CPED1: variants seen among roughly 807,000 people sequenced by gnomAD.
The protein encoded by CPED1 is cadherin-like and PC-esterase domain-containing protein 1.
In CPED1, 114 loss-of-function variants were observed where a neutral mutation model predicts 128.2. The ratio of observed to expected loss-of-function variants is 0.89; its 90% CI spans 0.76 to 1.04. The LOEUF is 1.04. CPED1 is among the 50% of genes least tolerant of loss of function. The probability of loss-of-function intolerance (pLI) is 0.00; values close to 1 mark genes in which losing one functional copy is unlikely to be tolerated. For synonymous variants in CPED1, 462 were observed against 426.7 expected (o/e 1.08, Z -1.02); for missense variants, 1,211 against 1,207.1 (o/e 1.00, Z -0.05).
intron 16 of CPED1, among the ~76,000 whole-genome samples, chr7:121,152,926 A>G (rs1796191921): frequency 6.6e-6 from 1 of 152,174 alleles, no homozygotes; most frequent in Non-Finnish European, 1.5e-5. Context: ...TGCCTTAAAC[A>G]TGTATTTTAA....
intron 16 of CPED1, among the ~76,000 whole-genome samples, chr7:121,150,522 C>T (rs1796133758): frequency 6.6e-6 from 1 of 152,032 alleles, no homozygotes; most frequent in Admixed American, 6.6e-5. Flanking sequence ...CATACAAGTG[C>T]ATGTGTCTTT....
chr7:121,261,916 C>T (rs1436259873), intron 18 of CPED1: 1 of 541,404 alleles, frequency 1.8e-6, no homozygotes, highest in East Asian at 3.4e-5. Context: ...TATAATAAGC[C>T]TATTGATATA....
At chr7:121,031,988 A>G (rs887074820) in intron 3 of CPED1, among the ~76,000 whole-genome samples, 4 of 152,098 alleles carry the variant, frequency 2.6e-5, no homozygotes, top group African/African-American at 7.2e-5. Flanking sequence ...TAGTGATATC[A>G]CCTATTGATG....
chr7:121,200,668 G>A (rs1797375710), intron 16 of CPED1, among the ~76,000 whole-genome samples: 1 of 151,976 alleles, frequency 6.6e-6, no homozygotes, highest in African/African-American at 2.4e-5. Context: ...AAAAGAAAGA[G>A]TCTTACTTAC....
chr7:121,123,647 A>C (rs902742418), intron 7 of CPED1, among the ~76,000 whole-genome samples: 11 of 152,200 alleles, frequency 7.2e-5, no homozygotes, highest in Admixed American at 5.9e-4. Context: ...TGATACTAAC[A>C]ATTGTGTTTT....
rs894362780 is a variant in CPED1 at position 121,297,044 on chromosome 7, A to G, written c.*1392A>G. On this transcript the variant is annotated 3_prime_UTR_variant, in exon 23 of 23. Coordinates refer to ENST00000310396, the MANE Select transcript of CPED1 (RefSeq NM_024913.5). ...TGAAGATAAACATGAATTTATATTT[A>G]ACTGTCTTAAATTATATTTACATAA... The G allele has an allele frequency of 1.4e-4, 22 of 152,074 alleles. No homozygotes were observed. Among genetic ancestry groups the G allele is most frequent in the African/African-American group, 5.3e-4 (22 of 41,452 alleles). The allele number at this position is 152,074 out of a possible 1,614,324, so 9.4% of individuals were successfully genotyped here.
At chr7:121,280,205 C>G (rs1792431374) in intron 22 of CPED1, among the ~76,000 whole-genome samples, 1 of 152,136 alleles carries the variant, frequency 6.6e-6, no homozygotes, top group Non-Finnish European at 1.5e-5. Context: ...TTAGCTTATG[C>G]TAAGACTAGT....
At chr7:121,292,510 A>G (rs908164231) in intron 22 of CPED1, among the ~76,000 whole-genome samples, 6 of 151,880 alleles carry the variant, frequency 4.0e-5, no homozygotes, top group Admixed American at 1.3e-4. Flanking sequence ...TCTGAAGCCT[A>G]CTTCTGTCAA....
intron 5 of CPED1, among the ~76,000 whole-genome samples, chr7:121,084,642 A>T (rs535967692): frequency 6.6e-6 from 1 of 152,236 alleles, no homozygotes; most frequent in South Asian, 2.1e-4. Context: ...TTTCTGCAAA[A>T]TTCAGTATGT....
chr7:121,044,650 C>CTTTTTTTTTTTT lies in CPED1; in HGVS notation c.434-2229_434-2218dup, dbSNP rs58884492. 9.6e-4 allele frequency among the ~76,000 whole-genome samples: 102 copies of CTTTTTTTTTTTT among 105,976 alleles called. 1 individual carries two copies. The highest frequency in any genetic ancestry group is 3.1e-3 in the African/African-American group (92 of 29,260). 69.5% of individuals were successfully genotyped at this position (105,976 alleles called of 152,430 possible). A position where few individuals can be genotyped will look rare whatever the true frequency, so the allele number is the denominator to read the frequency against. On this transcript the variant is annotated intron_variant, in intron 3 of 22. Coordinates refer to ENST00000310396, the MANE Select transcript of CPED1 (RefSeq NM_024913.5). The stretch of plus-strand genomic sequence containing the variant: ...TTGCTGAGAGCAGTGACTTTCTGCT[C>CTTTTTTTTTTTT]TTTTTTTTTTTTTTTTTTTGCTATT...
chr7:121,066,394 T>C (rs1793831899), intron 5 of CPED1, among the ~76,000 whole-genome samples: 2 of 152,124 alleles, frequency 1.3e-5, no homozygotes, highest in South Asian at 4.1e-4. Flanking sequence ...GCAGATTGTA[T>C]ATGTGTGTAT....
At chr7:121,170,381 A>C (rs950782595) in intron 16 of CPED1, among the ~76,000 whole-genome samples, 2 of 152,182 alleles carry the variant, frequency 1.3e-5, no homozygotes, top group East Asian at 1.9e-4. Context: ...CCTGGGCCTC[A>C]TTCTGCTTGG....
chr7:121,161,967 C>G (rs10240823), intron 16 of CPED1, among the ~76,000 whole-genome samples: 3,546 of 152,222 alleles, frequency 0.023, 159 homozygotes, highest in African/African-American at 0.081. Context: ...TTGGAGTAAC[C>G]TCACACAGTA....
At chr7:121,078,840 A>G (rs530652423) in intron 5 of CPED1, among the ~76,000 whole-genome samples, 1 of 152,336 alleles carries the variant, frequency 6.6e-6, no homozygotes, top group Non-Finnish European at 1.5e-5. Context: ...CTGCCGTAAC[A>G]AAGTACCACA....
At chr7:121,142,361 C>T (rs927709819) in intron 16 of CPED1, among the ~76,000 whole-genome samples, 4 of 151,874 alleles carry the variant, frequency 2.6e-5, no homozygotes, top group Non-Finnish European at 5.9e-5. Context: ...TCATTGTTTT[C>T]AGTGGACTTA....
At chr7:121,171,799 A>G (rs1796653450) in intron 16 of CPED1, among the ~76,000 whole-genome samples, 1 of 152,202 alleles carries the variant, frequency 6.6e-6, no homozygotes, top group South Asian at 2.1e-4. Context: ...AACAATGCCT[A>G]GGAATTGGAT....
chr7:121,119,085 C>A (rs1795320278), intron 7 of CPED1, among the ~76,000 whole-genome samples: 1 of 151,376 alleles, frequency 6.6e-6, no homozygotes, highest in East Asian at 1.9e-4. Context: ...ATGTATTTCT[C>A]TTGTTCTGAC....
intron 7 of CPED1, among the ~76,000 whole-genome samples, chr7:121,121,953 G>C (rs141670419): frequency 2.2e-3 from 327 of 151,996 alleles, no homozygotes; most frequent in African/African-American, 7.3e-3. Flanking sequence ...GGTTCACTTA[G>C]TTAGTCTAAG....
chr7:120,996,499 T>C (rs1796408045), intron 2 of CPED1, among the ~76,000 whole-genome samples: 1 of 152,176 alleles, frequency 6.6e-6, no homozygotes, highest in African/African-American at 2.4e-5. Context: ...TTGCTTCCTC[T>C]TCTCCTTGGC....
Sources: gnomAD v4.1 joint callset for allele counts (sites outside exome capture counted in the v4.1 genomes callset) on GRCh38, gnomAD v4.1.1 for gene constraint, MANE v1.5 for transcripts, NCBI Gene and HGNC (gene_info 2026-07-23, HGNC 2026-07-21) for gene names.